Variants in TSPAN5 observed in about 807,000 individuals in gnomAD.
TSPAN5 encodes the protein tetraspanin 5, also known as tetraspanin-5.
Under a neutral mutation model 37.1 loss-of-function variants are expected in TSPAN5, and 10 were observed. The observed-to-expected ratio is 0.27, with a 90% CI of 0.17 to 0.46. The LOEUF is 0.46. Among genes scored for constraint, TSPAN5 ranks in the 20% least tolerant of loss-of-function variants. The pLI is 1.00. For synonymous variants in TSPAN5, 110 were observed against 118.9 expected, an observed-to-expected ratio of 0.93 and a Z score of 0.48; for missense variants, 195 against 326.6, an observed-to-expected ratio of 0.60 and a Z score of 3.11.
At chr4:98,639,856 A>G (rs1258189134) in intron 1 of TSPAN5, among the ~76,000 whole-genome samples, 1 of 152,218 alleles carries the variant, frequency 6.6e-6, no homozygotes, top group Non-Finnish European at 1.5e-5. Context: ...TTGTTCCAGA[A>G]ATCTTTACTT....
intron 1 of TSPAN5, among the ~76,000 whole-genome samples, chr4:98,645,377 T>C (rs926556567): frequency 3.3e-5 from 5 of 152,306 alleles, no homozygotes; most frequent in African/African-American, 7.2e-5. Context: ...AGAGTCAATT[T>C]AAAAGAAAAG....
rs1029675412 is a variant in TSPAN5 at position 98,470,625 on chromosome 4, A to G, written c.*1897T>C. 7.2e-5 allele frequency: 11 copies of G among 152,212 alleles called. No homozygotes were observed. The highest frequency in any genetic ancestry group is 2.7e-4 in the African/African-American group (11 of 41,428). The allele number at this position is 152,212 out of a possible 1,614,324, so 9.4% of individuals were successfully genotyped here. On this transcript the variant is annotated 3_prime_UTR_variant, in exon 8 of 8. Coordinates refer to ENST00000305798, the MANE Select transcript of TSPAN5 (RefSeq NM_005723.4). ...CGTGTCTTCTCCATGTTGGAAGGAC[A>G]TTACAAAATGGCAACTGTGGTGGGG...
chr4:98,527,963 A>G (rs1753997039), intron 1 of TSPAN5, among the ~76,000 whole-genome samples: 1 of 152,230 alleles, frequency 6.6e-6, no homozygotes. Context: ...GCAATGAAAG[A>G]CAAATATTCT....
intron 1 of TSPAN5, among the ~76,000 whole-genome samples, chr4:98,568,479 T>C (rs1358386235): frequency 6.6e-6 from 1 of 150,660 alleles, no homozygotes; most frequent in Non-Finnish European, 1.5e-5. Flanking sequence ...AAGGCAGAGG[T>C]TGCAGTGACC....
intron 1 of TSPAN5, among the ~76,000 whole-genome samples, chr4:98,576,300 C>G (rs1170644064): frequency 6.6e-6 from 1 of 152,168 alleles, no homozygotes; most frequent in Non-Finnish European, 1.5e-5. Context: ...TGTTACAAAA[C>G]TTAAACTTAC....
At chr4:98,585,920 G>A (rs560434121) in intron 1 of TSPAN5, among the ~76,000 whole-genome samples, 53 of 152,316 alleles carry the variant, frequency 3.5e-4, no homozygotes, top group African/African-American at 1.2e-3. Flanking sequence ...TATTCAGGTG[G>A]GAAGATGGGC....
intron 1 of TSPAN5, among the ~76,000 whole-genome samples, chr4:98,589,724 C>T (rs976593890): frequency 6.6e-6 from 1 of 152,148 alleles, no homozygotes; most frequent in East Asian, 1.9e-4. Context: ...GATACCATGG[C>T]ACAAAATTTT....
In TSPAN5 at chr4:98,520,453, G is replaced by A. The variant is rs1753828974; in HGVS notation, c.82-12725C>T. Among the ~76,000 whole-genome samples the A allele has an allele frequency of 3.3e-5, 5 of 152,202 alleles. No homozygotes were observed. The South Asian group carries it at 1.0e-3, about 32-fold the overall frequency. ...AACTGCCAAAAAGGAACTCAGGACT[G>A]GCCTGGGGGCACCTCTGTAATATCT... On this transcript the variant is annotated intron_variant, in intron 1 of 7. Transcript: ENST00000305798.
intron 2 of TSPAN5, among the ~76,000 whole-genome samples, chr4:98,497,306 G>A (rs1753233324): frequency 1.5e-5 from 2 of 129,502 alleles, no homozygotes; most frequent in African/African-American, 3.0e-5. Context: ...GACACAGAGA[G>A]ACTCCATCTC....
intron 2 of TSPAN5, among the ~76,000 whole-genome samples, chr4:98,500,497 C>G (rs1753320260): frequency 6.6e-6 from 1 of 152,186 alleles, no homozygotes; most frequent in African/African-American, 2.4e-5. Flanking sequence ...CCCTAGAGAA[C>G]CCAGCGTAGT....
intron 1 of TSPAN5, among the ~76,000 whole-genome samples, chr4:98,519,356 G>A (rs529638621): frequency 1.6e-4 from 24 of 152,072 alleles, no homozygotes; most frequent in Middle Eastern, 3.4e-3. Context: ...AAGATTAGCC[G>A]GGCATGGTGG....
At chr4:98,632,565 G>A (rs1756771629) in intron 1 of TSPAN5, among the ~76,000 whole-genome samples, 1 of 152,162 alleles carries the variant, frequency 6.6e-6, no homozygotes, top group Non-Finnish European at 1.5e-5. Flanking sequence ...GACCTATGGA[G>A]CACTTCGAAA....
intron 6 of TSPAN5, 49 bp from the exon 7 acceptor site, chr4:98,476,354 A>C: frequency 1.2e-6 from 2 of 1,613,332 alleles, no homozygotes; most frequent in Non-Finnish European, 1.7e-6. Context: ...AGCACCAGGC[A>C]CAGGCCAAAG....
chr4:98,477,656 A>T (rs1752734243), intron 5 of TSPAN5, among the ~76,000 whole-genome samples: 1 of 135,902 alleles, frequency 7.4e-6, no homozygotes, highest in South Asian at 2.3e-4. Flanking sequence ...AACACTAGAG[A>T]GTTACCTTTT....
chr4:98,653,089 T>A (rs766144042), intron 1 of TSPAN5, among the ~76,000 whole-genome samples: 4 of 152,212 alleles, frequency 2.6e-5, no homozygotes, highest in Non-Finnish European at 5.9e-5. Context: ...CATCTCCCTG[T>A]AATTCAAAAC....
At position 98,488,194 on chromosome 4, in the gene TSPAN5, A is replaced by G. The variant is rs185282421; in HGVS notation, c.133-1310T>C. 8.9e-4 allele frequency among the ~76,000 whole-genome samples: 136 copies of G among 152,302 alleles called. 1 individual carries two copies. Among genetic ancestry groups the G allele is most frequent in the Middle Eastern group, 3.4e-3 (1 of 294 alleles). ...ATCGCTTCTTTGAAACCAGTACACAATGTCTATTTCAGTACCAAGCAGGGG... is the reference window on the plus strand; with the variant it reads ...ATCGCTTCTTTGAAACCAGTACACAGTGTCTATTTCAGTACCAAGCAGGGG... On this transcript the variant is annotated intron_variant, in intron 2 of 7. Coordinates refer to ENST00000305798, the MANE Select transcript of TSPAN5 (RefSeq NM_005723.4).
intron 1 of TSPAN5, among the ~76,000 whole-genome samples, chr4:98,537,987 A>C (rs180906883): frequency 9.8e-5 from 15 of 152,366 alleles, no homozygotes; most frequent in African/African-American, 3.1e-4. Context: ...GTGACCACCT[A>C]TGAGGGGCTC....
rs1168987653 is a variant in TSPAN5 at position 98,471,779 on chromosome 4, C to T, written c.*743G>A. On this transcript the variant is annotated 3_prime_UTR_variant, in exon 8 of 8. Transcript: ENST00000305798. ...TACCTCTTCATTAACCTCATTTTCT[C>T]CTTGAATTTCACTGATAAACAAAGC... is the stretch of plus-strand genomic sequence containing the variant. 1 of 152,128 alleles carries T rather than the reference C, an allele frequency of 6.6e-6. No individual in the cohort carries two copies. The highest frequency in any genetic ancestry group is 1.5e-5 in the Non-Finnish European group (1 of 68,030). The allele number at this position is 152,128 out of a possible 1,614,324, so 9.4% of individuals were successfully genotyped here.
At chr4:98,480,962 T>C (rs1310323684) in intron 4 of TSPAN5, among the ~76,000 whole-genome samples, 1 of 152,070 alleles carries the variant, frequency 6.6e-6, no homozygotes, top group Non-Finnish European at 1.5e-5. Context: ...AGTGTCAACA[T>C]GGCTGCTGCC....
Sources: allele counts gnomAD v4.1 joint callset (sites outside exome capture counted in the v4.1 genomes callset), GRCh38; gene constraint gnomAD v4.1.1; transcripts MANE v1.5; gene names NCBI Gene and HGNC (gene_info 2026-07-23, HGNC 2026-07-21).